CTSZ: variants seen among roughly 807,000 people sequenced by gnomAD.
CTSZ encodes cathepsin Z.
In CTSZ, 39 loss-of-function variants were observed where a neutral mutation model predicts 32.4. The ratio of observed to expected loss-of-function variants is 1.20; its 90% CI spans 0.93 to 1.57. CTSZ has a LOEUF of 1.57. Among genes scored for constraint, CTSZ ranks in the 40% most tolerant of loss-of-function variants. The pLI is 0.00. For synonymous variants in CTSZ, 168 were observed against 170.1 expected (o/e 0.99, Z 0.10); for missense variants, 397 against 419.6 (o/e 0.95, Z 0.47).
At chr20:58,997,908 G>A (rs1365544851) in intron 3 of CTSZ, among the ~76,000 whole-genome samples, 155 bp from the exon 4 acceptor site, 1 of 152,114 alleles carries the variant, frequency 6.6e-6, no homozygotes, top group Non-Finnish European at 1.5e-5. Context: ...GCTTAATGAC[G>A]CTCTTCTTTC....
At position 59,006,004 on chromosome 20, in the gene CTSZ, G is replaced by C. The variant is rs572183042; in HGVS notation, c.307+318C>G. ...CTTCTGTATCCTCAAATACAGCCTG[G>C]GGACTCAGTGATTTTGCATTTCTGT... On this transcript the variant is annotated intron_variant, in intron 2 of 5. Coordinates refer to ENST00000217131, the MANE Select transcript of CTSZ (RefSeq NM_001336.4). 1.1e-4 allele frequency: 42 copies of C among 394,520 alleles called. 1 individual carries two copies. The South Asian group carries it at 1.5e-3, about 14-fold the overall frequency. 24.4% of individuals were successfully genotyped at this position (394,520 alleles called of 1,614,324 possible).
At chr20:58,998,252 T>TA (rs1013706866) in intron 3 of CTSZ, among the ~76,000 whole-genome samples, 30 of 149,686 alleles carry the variant, frequency 2.0e-4, no homozygotes, top group Admixed American at 2.1e-4. Context: ...GAATTAGGCT[T>TA]AAAAAATAAA....
rs113835970 is a variant in CTSZ, at chr20:59,004,774, G to A, written c.307+1548C>T. On this transcript the variant is annotated intron_variant, in intron 2 of 5. Coordinates refer to ENST00000217131, the MANE Select transcript of CTSZ (RefSeq NM_001336.4). The surrounding 1 kb of genome is among the most constrained non-coding windows in gnomAD (Gnocchi z 5.6). The stretch of plus-strand genomic sequence containing the variant: ...TCTATTCCTCAGTGAAAGAGGAAGC[G>A]AGTGCCTGGGCCTGGGTGCGCTGAG... Among the ~76,000 whole-genome samples, 120 of 152,174 alleles carry A rather than the reference G, an allele frequency of 7.9e-4. No individual in the cohort carries two copies. Among genetic ancestry groups the A allele is most frequent in the Non-Finnish European group, 1.4e-3 (98 of 67,986 alleles).
rs531348521 is a variant in CTSZ at position 59,006,546 on chromosome 20, G to A, written c.144-61C>T. 23 of 1,540,826 alleles carry A rather than the reference G, an allele frequency of 1.5e-5. No homozygotes were observed. The East Asian group carries it at 5.0e-4, about 33-fold the overall frequency. The stretch of plus-strand genomic sequence containing the variant: ...GGGCTCCCGGGGGCCGTGGGCCCAG[G>A]AAGCCCTCGGTAGGGCCCTCCCGCC... On this transcript the variant is annotated intron_variant, in intron 1 of 5. Transcript: ENST00000217131.
intron 5 of CTSZ, 29 bp from the exon 6 acceptor site, chr20:58,995,788 C>G (rs530142909): frequency 6.3e-7 from 1 of 1,597,314 alleles, no homozygotes; most frequent in African/African-American, 1.3e-5. Flanking sequence ...CGCGTCAGCC[C>G]ATCTGCAGCC....
In CTSZ at chr20:58,995,696, T is replaced by G. The variant is rs778830780; in HGVS notation, c.865A>C (p.Asn289His). The G allele has an allele frequency of 6.2e-6, 10 of 1,614,148 alleles. No homozygotes were observed. In the South Asian group the frequency reaches 1.1e-4, roughly 18 times the overall value. The change falls in exon 6 of 6, where the codon AAC (asparagine) becomes CAC (histidine). Residue 289 changes from asparagine (N) to histidine (H), a missense_variant. Asn to His is a moderately conservative substitution (Grantham distance 68). Coordinates refer to ENST00000217131, the MANE Select transcript of CTSZ (RefSeq NM_001336.4). ...TYKDGKGARY[N>H]LAIEEHCTFG... Reference sequence around the variant, plus strand: ...GTACAGTGCTCCTCGATGGCAAGGTTGTATCTGGCGCCCTTCCCATCCTTA... The same window carrying G: ...GTACAGTGCTCCTCGATGGCAAGGTGGTATCTGGCGCCCTTCCCATCCTTA...
At chr20:58,995,781 G>T (rs368439024) in intron 5 of CTSZ, 22 bp from the exon 6 acceptor site, 2 of 1,606,934 alleles carry the variant, frequency 1.2e-6, no homozygotes, top group South Asian at 1.1e-5. Context: ...GGGATCGCGC[G>T]TCAGCCCATC....
In CTSZ at chr20:59,007,107, A is replaced by G; in HGVS notation, c.22T>C (p.Trp8Arg). The G allele has an allele frequency of 7.1e-7, 1 of 1,410,822 alleles. No individual in the cohort carries two copies. The highest frequency in any genetic ancestry group is 9.2e-7 in the Non-Finnish European group (1 of 1,088,084). 87.4% of individuals were successfully genotyped at this position (1,410,822 alleles called of 1,614,324 possible). Reference sequence around the variant, plus strand: ...AGCACGAGCAGCAGAAGCGGCCGCCACCCTGGCCCGCGCCTCGCCATGGCC... The same window carrying G: ...AGCACGAGCAGCAGAAGCGGCCGCCGCCCTGGCCCGCGCCTCGCCATGGCC... MARRGPG[W>R]RPLLLLVLLA... Residue 8 changes from tryptophan to arginine, a missense_variant, in exon 1 of 6, where the codon TGG becomes CGG. Coordinates refer to ENST00000217131, the MANE Select transcript of CTSZ (RefSeq NM_001336.4).
intron 4 of CTSZ, 145 bp downstream of exon 4, chr20:58,997,458 A>G (rs2091866362): frequency 1.5e-6 from 1 of 685,568 alleles, no homozygotes; most frequent in Admixed American, 4.0e-5. Context: ...AAAGTGGCGA[A>G]GGACGGAGAT....
At chr20:59,003,914 A>G (rs1428992028) in intron 2 of CTSZ, among the ~76,000 whole-genome samples, 1 of 152,214 alleles carries the variant, frequency 6.6e-6, no homozygotes, top group Non-Finnish European at 1.5e-5. Context: ...GGGTTGTCAC[A>G]GGCTCACTGT....
At position 58,995,359 on chromosome 20, in the gene CTSZ, G is replaced by A. The variant is rs547732462; in HGVS notation, c.*290C>T. 7.5e-6 allele frequency: 2 copies of A among 267,014 alleles called. No homozygotes were observed. Among genetic ancestry groups the A allele is most frequent in the African/African-American group, 4.6e-5 (2 of 43,478 alleles). The allele number at this position is 267,014 out of a possible 1,614,324, so 16.5% of individuals were successfully genotyped here. On this transcript the variant is annotated 3_prime_UTR_variant, in exon 6 of 6. Coordinates refer to ENST00000217131, the MANE Select transcript of CTSZ (RefSeq NM_001336.4). Reference sequence around the variant, plus strand: ...ACAGTTGCCAAATACAAAATATCAAGTCCTCTGCTGAAGAAGACTGAGGTC... The same window carrying A: ...ACAGTTGCCAAATACAAAATATCAAATCCTCTGCTGAAGAAGACTGAGGTC...
intron 5 of CTSZ, 43 bp from the exon 6 acceptor site, chr20:58,995,802 TCCCGCTC>T (rs759384258): frequency 3.2e-6 from 5 of 1,559,914 alleles, no homozygotes; most frequent in Non-Finnish European, 4.4e-6. Context: ...TGCAGCCGTC[TCCCGCTC>T]CCCTTGCTGC....
intron 3 of CTSZ, among the ~76,000 whole-genome samples, chr20:58,998,547 A>AAC (rs2091872236): frequency 1.2e-4 from 2 of 17,096 alleles, no homozygotes; most frequent in Admixed American, 4.2e-4. Context: ...ACTCCGTCTC[A>AAC]AAAAAAAAGA....
intron 4 of CTSZ, 100 bp downstream of exon 4, chr20:58,997,503 G>A (rs2091866624): frequency 4.1e-6 from 5 of 1,213,058 alleles, no homozygotes; most frequent in South Asian, 1.9e-5. Flanking sequence ...CCACACTGGC[G>A]CTGTCACCGC....
intron 4 of CTSZ, 89 bp downstream of exon 4, chr20:58,997,514 G>T: frequency 7.6e-7 from 1 of 1,322,612 alleles, no homozygotes; most frequent in East Asian, 2.7e-5. Flanking sequence ...CTGTCACCGC[G>T]GATCTCTCCT....
chr20:59,003,311 C>A (rs957298479), intron 2 of CTSZ, among the ~76,000 whole-genome samples: 3 of 152,262 alleles, frequency 2.0e-5, no homozygotes, highest in African/African-American at 7.2e-5. Flanking sequence ...CCTGAAGCAT[C>A]TGGACCCGGC....
chr20:59,003,866 A>ATTAT (rs1315415655), intron 2 of CTSZ, among the ~76,000 whole-genome samples: 1 of 152,140 alleles, frequency 6.6e-6, no homozygotes, highest in African/African-American at 2.4e-5. Context: ...TCTGAGTGGA[A>ATTAT]TCCTGAGAGG....
rs1291873824 is a variant in CTSZ at position 59,006,265 on chromosome 20, A to G, written c.307+57T>C. On this transcript the variant is annotated intron_variant, in intron 2 of 5. Coordinates refer to ENST00000217131, the MANE Select transcript of CTSZ (RefSeq NM_001336.4). ...ACCGCGGGCTGAGCTGCCTGGGCCT[A>G]TAAACAGGCAGCCGGGATGGGCTTT... 3.9e-6 allele frequency: 6 copies of G among 1,523,358 alleles called. No individual in the cohort carries two copies. The East Asian group carries it at 7.3e-5, about 19-fold the overall frequency. The allele number at this position is 1,523,358 out of a possible 1,614,324, so 94.4% of individuals were successfully genotyped here. A position where few individuals can be genotyped will look rare whatever the true frequency, so the allele number is the denominator to read the frequency against.
At position 58,995,743 on chromosome 20, in the gene CTSZ, A is replaced by G. The variant is rs764347121; in HGVS notation, c.818T>C (p.Leu273Pro). ...CTTATAGGTGCTGGTCACGATCCTC[A>G]GCCAGCCTCTCTCGCCCTGTGAGAA... is the stretch of plus-strand genomic sequence containing the variant. ...WGEPWGERGW[L>P]RIVTSTYKDG... The change falls in exon 6 of 6, where the codon CTG (leucine) becomes CCG (proline). Residue 273 changes from leucine to proline, a missense_variant. Physicochemically the swap from Leu to Pro is moderately conservative, Grantham distance 98 (BLOSUM62 -3). Coordinates refer to ENST00000217131, the MANE Select transcript of CTSZ (RefSeq NM_001336.4). 4.3e-6 allele frequency: 7 copies of G among 1,614,010 alleles called. No individual in the cohort carries two copies. Among genetic ancestry groups the G allele is most frequent in the Non-Finnish European group, 5.9e-6 (7 of 1,179,974 alleles).
Sources: gnomAD v4.1 joint callset for allele counts (sites outside exome capture counted in the v4.1 genomes callset) on GRCh38, gnomAD v4.1.1 for gene constraint, Gnocchi (gnomAD v3.1) non-coding constraint, MANE v1.5 for transcripts, NCBI Gene and HGNC (gene_info 2026-07-23, HGNC 2026-07-21) for gene names.